CCR6: variants seen among roughly 807,000 people sequenced by gnomAD.
CCR6 encodes C-C chemokine receptor type 6.
In CCR6, 2 loss-of-function variants were observed where a neutral mutation model predicts 3.0. The observed-to-expected ratio is 0.66, with a 90% CI of 0.27 to 2.07. CCR6 has a LOEUF of 2.07. CCR6 is among the 30% of genes most tolerant of loss of function. The pLI is 0.14. For missense variants in CCR6, 322 were observed against 462.8 expected, an observed-to-expected ratio of 0.70 and a Z score of 2.79; for synonymous variants, 193 against 184.3, an observed-to-expected ratio of 1.05 and a Z score of -0.38.
chr6:167,118,531 C>T (rs146743908), upstream of CCR6, among the ~76,000 whole-genome samples: 1 of 152,284 alleles, frequency 6.6e-6, no homozygotes, highest in Non-Finnish European at 1.5e-5. Flanking sequence ...AAAAAGTAAG[C>T]TTTCAGTTTG....
rs1025861174 is a variant in CCR6 at position 167,135,501 on chromosome 6, G to A, written c.-97-537G>A. Among the ~76,000 whole-genome samples, 15 of 152,204 alleles carry A rather than the reference G, an allele frequency of 9.9e-5. 1 individual carries two copies. Among genetic ancestry groups the A allele is most frequent in the Admixed American group, 7.9e-4 (12 of 15,278 alleles). On this transcript the variant is annotated intron_variant, in intron 1 of 2. Coordinates refer to ENST00000341935, the MANE Select transcript of CCR6 (RefSeq NM_031409.4). ...TCATAGTCAAACTTTAAATTCTACTGGAGATTCTCACATGCCCACAGGGGT... is the reference window on the plus strand; with the variant it reads ...TCATAGTCAAACTTTAAATTCTACTAGAGATTCTCACATGCCCACAGGGGT...
chr6:167,131,013 T>C lies in CCR6; in HGVS notation c.-97-5025T>C, dbSNP rs56194755. On this transcript the variant is annotated intron_variant, in intron 1 of 2. Transcript: ENST00000341935. ...GACCCCCTCCCTTTGGGACCCCTCC[T>C]TCTGGGACCCCCATCCCTCTGGACC... 6.8e-3 allele frequency among the ~76,000 whole-genome samples: 626 copies of C among 92,292 alleles called. 4 individuals carry two copies. The highest frequency in any genetic ancestry group is 0.02 in the African/African-American group (315 of 15,754). The allele number at this position is 92,292 out of a possible 152,430, so 60.5% of individuals were successfully genotyped here. A position where few individuals can be genotyped will look rare whatever the true frequency, so the allele number is the denominator to read the frequency against.
At chr6:167,125,939 T>C (rs1011982560) in intron 1 of CCR6, among the ~76,000 whole-genome samples, 4 of 152,250 alleles carry the variant, frequency 2.6e-5, no homozygotes, top group Non-Finnish European at 4.4e-5. Flanking sequence ...ACATGTGTGA[T>C]AACAAGATCT....
chr6:167,126,362 T>C (rs1354586718), intron 1 of CCR6: 1 of 152,232 alleles, frequency 6.6e-6, no homozygotes, highest in Non-Finnish European at 1.5e-5. Context: ...GAGAAGAGAA[T>C]CAATCAGACG....
intron 1 of CCR6, among the ~76,000 whole-genome samples, chr6:167,112,718 A>C (rs987079245): frequency 6.6e-6 from 1 of 152,098 alleles, no homozygotes. Flanking sequence ...TGAGAAGGAC[A>C]TCCCAGGAGG....
In CCR6 at chr6:167,139,126, G is replaced by A. The variant is rs926344805; in HGVS notation, c.*1771G>A. The A allele has an allele frequency of 6.6e-6, 1 of 152,270 alleles. No individual in the cohort carries two copies. The highest frequency in any genetic ancestry group is 2.4e-5 in the African/African-American group (1 of 41,416). 9.4% of individuals were successfully genotyped at this position (152,270 alleles called of 1,614,324 possible). A position where few individuals can be genotyped will look rare whatever the true frequency, so the allele number is the denominator to read the frequency against. ...GCTTTGGCTTTGCAAAATAAAAAAT[G>A]TGTTTTGTACATGAAGTAGGAATCG... On this transcript the variant is annotated 3_prime_UTR_variant, in exon 3 of 3. Coordinates refer to ENST00000341935, the MANE Select transcript of CCR6 (RefSeq NM_031409.4).
Position 167,137,063 on chromosome 6 carries a change from C to T in CCR6, c.833C>T (p.Ala278Val). 3 of 1,614,134 alleles carry T rather than the reference C, an allele frequency of 1.9e-6. No homozygotes were observed. The highest frequency in any genetic ancestry group is 2.5e-6 in the Non-Finnish European group (3 of 1,180,038). Residue 278 changes from alanine (A) to valine (V), a missense_variant, in exon 3 of 3, where the codon GCT becomes GTT. Physicochemically the swap from Ala to Val is moderately conservative, Grantham distance 64 (BLOSUM62 0). Transcript: ENST00000341935. This position sits in a 1 kb window ranked among gnomAD's most constrained non-coding sequence, Gnocchi z 4.6. ...CATAACATGGTCCTGCTTGTGACGG[C>T]TGCAAATTTGGGTAAAATGAACCGA... ...IPHNMVLLVTAANLGKMNRSC... is the reference protein window; with the variant it reads ...IPHNMVLLVTVANLGKMNRSC...
chr6:167,113,239 C>A (rs956955289), intron 1 of CCR6, among the ~76,000 whole-genome samples: 1 of 152,112 alleles, frequency 6.6e-6, no homozygotes, highest in Non-Finnish European at 1.5e-5. Flanking sequence ...GGGAGACCCT[C>A]AGGTGCACAT....
rs551258713 is a variant in CCR6, at chr6:167,137,410, A to C, written c.*55A>C. 1.3e-6 allele frequency: 2 copies of C among 1,488,042 alleles called. No individual in the cohort carries two copies. Among genetic ancestry groups the C allele is most frequent in the African/African-American group, 1.4e-5 (1 of 70,908 alleles). 92.2% of individuals were successfully genotyped at this position (1,488,042 alleles called of 1,614,324 possible). On this transcript the variant is annotated 3_prime_UTR_variant, in exon 3 of 3. Coordinates refer to ENST00000341935, the MANE Select transcript of CCR6 (RefSeq NM_031409.4). This position sits in a 1 kb window ranked among gnomAD's most constrained non-coding sequence, Gnocchi z 4.6. The stretch of plus-strand genomic sequence containing the variant: ...TGAAACATACTCATAGATGTTATGC[A>C]AAAAAAAGTCTATGGCCAGGTATGC...
upstream of CCR6, among the ~76,000 whole-genome samples, chr6:167,118,898 T>C (rs1450708301): frequency 6.6e-6 from 1 of 152,168 alleles, no homozygotes; most frequent in Non-Finnish European, 1.5e-5. Flanking sequence ...CCCGGCTCCC[T>C]TCTCTACTCT....
chr6:167,129,069 A>G (rs1488323456), intron 1 of CCR6, among the ~76,000 whole-genome samples: 1 of 152,122 alleles, frequency 6.6e-6, no homozygotes, highest in Non-Finnish European at 1.5e-5. Flanking sequence ...CCTCTCATCA[A>G]TAGAAGCAAT....
chr6:167,129,732 G>A (rs1395593460), intron 1 of CCR6: 3 of 151,678 alleles, frequency 2.0e-5, no homozygotes, highest in Admixed American at 1.3e-4. Context: ...CTCAGGGGAT[G>A]AGACATGATG....
upstream of CCR6, among the ~76,000 whole-genome samples, chr6:167,121,269 CG>C (rs1420715911): frequency 6.6e-6 from 1 of 152,250 alleles, no homozygotes; most frequent in African/African-American, 2.4e-5. Flanking sequence ...CCACACAACG[CG>C]GTTTTGTTCA....
intron 1 of CCR6, among the ~76,000 whole-genome samples, chr6:167,132,068 G>A (rs1314827031): frequency 6.6e-6 from 1 of 152,250 alleles, no homozygotes; most frequent in Admixed American, 6.5e-5. Flanking sequence ...AAATGTTAGG[G>A]GTGGAATGGT....
chr6:167,113,430 A>G (rs1379195040), intron 1 of CCR6, among the ~76,000 whole-genome samples: 4 of 152,156 alleles, frequency 2.6e-5, no homozygotes, highest in African/African-American at 7.2e-5. Flanking sequence ...GGCTGGAAGA[A>G]CCCCAAAACA....
At chr6:167,125,801 A>G (rs33985243) in intron 1 of CCR6, among the ~76,000 whole-genome samples, 6,003 of 152,310 alleles carry the variant, frequency 0.039, 327 homozygotes, top group African/African-American at 0.12. Flanking sequence ...TATTGTACCT[A>G]ATAAAAGTTG....
chr6:167,123,244 G>A (rs1380939511), intron 1 of CCR6, 21 bp downstream of exon 1: 1 of 152,800 alleles, frequency 6.5e-6, no homozygotes, highest in African/African-American at 2.4e-5. Flanking sequence ...CAAGGCCCCT[G>A]AGACTTTTCT....
At chr6:167,132,869 T>C (rs1442557586) in intron 1 of CCR6, among the ~76,000 whole-genome samples, 1 of 152,208 alleles carries the variant, frequency 6.6e-6, no homozygotes, top group Non-Finnish European at 1.5e-5. Context: ...TGCATTTTCC[T>C]CATGATTAAT....
At chr6:167,133,930 GTGTATATATATATATA>G (rs1329430606) in intron 1 of CCR6, among the ~76,000 whole-genome samples, 75 of 29,050 alleles carry the variant, frequency 2.6e-3, no homozygotes, top group African/African-American at 8.8e-3. Context: ...TGATATATGT[GTGTATATATATATATA>G]TATATATATA....
Sources: allele counts gnomAD v4.1 joint callset (sites outside exome capture counted in the v4.1 genomes callset), GRCh38; gene constraint gnomAD v4.1.1; non-coding constraint Gnocchi (gnomAD v3.1); transcripts MANE v1.5; gene names NCBI Gene and HGNC (gene_info 2026-07-23, HGNC 2026-07-21).